The following PARL variants were observed in gnomAD, a reference collection of about 807,000 sequenced individuals.
PARL encodes presenilin associated rhomboid like.
In PARL, 44 loss-of-function variants were observed where a neutral mutation model predicts 51.6. That is an observed-to-expected ratio of 0.85 (90% CI 0.67 to 1.10). The LOEUF (loss-of-function observed/expected upper bound fraction) is 1.10, where lower values mean the gene tolerates loss of function less well. PARL is among the 50% of genes least tolerant of loss of function. PARL has a pLI of 0.00. For synonymous variants in PARL, 172 were observed against 164.0 expected (o/e 1.05, Z -0.37); for missense variants, 441 against 469.5 (o/e 0.94, Z 0.56).
At chr3:183,882,761 C>A (rs1218007979) in intron 1 of PARL, among the ~76,000 whole-genome samples, 2 of 152,000 alleles carry the variant, frequency 1.3e-5, no homozygotes, top group African/African-American at 4.8e-5. Context: ...GCTGGTGGGC[C>A]GCCTTGGGCC....
chr3:183,844,831 T>G (rs564215407), intron 4 of PARL: 1 of 154,334 alleles, frequency 6.5e-6, no homozygotes, highest in Non-Finnish European at 1.4e-5. Context: ...AGTCATGTGA[T>G]AGGAATTCAG....
intron 3 of PARL, among the ~76,000 whole-genome samples, chr3:183,864,903 CTTT>C (rs1209103090): frequency 4.9e-5 from 6 of 121,366 alleles, no homozygotes; most frequent in Non-Finnish European, 8.6e-5. Context: ...CTCCATATTT[CTTT>C]TTTTTTTTTT....
At chr3:183,877,009 C>T (rs1402713172) in intron 1 of PARL, among the ~76,000 whole-genome samples, 2 of 152,134 alleles carry the variant, frequency 1.3e-5, no homozygotes, top group Admixed American at 6.6e-5. Context: ...GTCAGGAGTT[C>T]GAGACCAGCC....
chr3:183,831,126 C>A (rs1461040059), intron 9 of PARL, among the ~76,000 whole-genome samples: 1 of 152,138 alleles, frequency 6.6e-6, no homozygotes, highest in Non-Finnish European at 1.5e-5. Flanking sequence ...CAGGCATGCA[C>A]CACCACGCCC....
At chr3:183,828,834 T>C (rs1577261098), downstream of PARL, among the ~76,000 whole-genome samples, 1 of 152,212 alleles carries the variant, frequency 6.6e-6, no homozygotes, top group East Asian at 1.9e-4. Context: ...AAGAAGAACA[T>C]ACTCTCAAAC....
downstream of PARL, chr3:183,826,689 G>C: frequency 4.1e-6 from 4 of 985,080 alleles, no homozygotes; most frequent in Non-Finnish European, 4.8e-6. Flanking sequence ...GCCAGGCCAT[G>C]TCCCAGCAGG....
intron 4 of PARL, among the ~76,000 whole-genome samples, chr3:183,845,377 G>C (rs1377912357): frequency 6.6e-6 from 1 of 152,070 alleles, no homozygotes; most frequent in African/African-American, 2.4e-5. Context: ...ATTTTTCACA[G>C]ATCTTAAGAC....
At chr3:183,847,423 G>A (rs1730085025) in intron 4 of PARL, among the ~76,000 whole-genome samples, 1 of 152,070 alleles carries the variant, frequency 6.6e-6, no homozygotes, top group Non-Finnish European at 1.5e-5. Flanking sequence ...AAATCAGCTG[G>A]GCATGGTGGC....
chr3:183,874,262 T>C (rs1195785570), intron 1 of PARL, among the ~76,000 whole-genome samples: 1 of 152,050 alleles, frequency 6.6e-6, no homozygotes, highest in Non-Finnish European at 1.5e-5. Context: ...CAACCAGCCA[T>C]TGCCCACCTT....
At chr3:183,868,925 A>AC (rs994558161) in intron 1 of PARL, among the ~76,000 whole-genome samples, 3 of 152,168 alleles carry the variant, frequency 2.0e-5, no homozygotes, top group African/African-American at 7.2e-5. Context: ...GTGAGCTGTT[A>AC]CCCCAACAGT....
chr3:183,876,949 T>C (rs746608873), intron 1 of PARL, among the ~76,000 whole-genome samples: 5 of 152,218 alleles, frequency 3.3e-5, no homozygotes, highest in African/African-American at 9.6e-5. Flanking sequence ...CAGTGGCTCA[T>C]GCCTGTAATC....
chr3:183,826,742 GAC>G (rs1451818722), downstream of PARL: 1 of 985,258 alleles, frequency 1.0e-6, no homozygotes, highest in Non-Finnish European at 1.2e-6. Context: ...CCTGGAAAAT[GAC>G]ACACAGGGGC....
chr3:183,851,719 A>T (rs1730566657), intron 4 of PARL, among the ~76,000 whole-genome samples: 1 of 152,218 alleles, frequency 6.6e-6, no homozygotes, highest in African/African-American at 2.4e-5. Flanking sequence ...CCCAATGTAA[A>T]AATGGGAAAG....
intron 3 of PARL, among the ~76,000 whole-genome samples, chr3:183,865,669 C>T (rs558690195): frequency 2.6e-5 from 4 of 152,118 alleles, no homozygotes; most frequent in South Asian, 2.1e-4. Flanking sequence ...CCTGCAACCC[C>T]GACCTGTGGA....
chr3:183,861,292 A>C, intron 4 of PARL: 1 of 940,706 alleles, frequency 1.1e-6, no homozygotes, highest in Non-Finnish European at 1.3e-6. Context: ...GATTCCATTC[A>C]ACATTCATTC....
intron 1 of PARL, among the ~76,000 whole-genome samples, chr3:183,869,306 C>T (rs79478990): frequency 0.28 from 42,079 of 151,774 alleles, 5,948 homozygotes; most frequent in East Asian, 0.53. Context: ...TCCCCAGATG[C>T]AAGTGATTCT....
At chr3:183,881,401 C>T (rs377390147) in intron 1 of PARL, among the ~76,000 whole-genome samples, 1 of 152,226 alleles carries the variant, frequency 6.6e-6, no homozygotes, top group Admixed American at 6.5e-5. Flanking sequence ...GGATTACAGG[C>T]GTGAGCCACT....
At chr3:183,832,002 C>T (rs962932507) in intron 9 of PARL, among the ~76,000 whole-genome samples, 1 of 152,070 alleles carries the variant, frequency 6.6e-6, no homozygotes, top group South Asian at 2.1e-4. Flanking sequence ...TTGAAGTATA[C>T]ATGGAAGATA....
chr3:183,872,969 T>C (rs1392431387), intron 1 of PARL, among the ~76,000 whole-genome samples: 1 of 152,214 alleles, frequency 6.6e-6, no homozygotes, highest in East Asian at 1.9e-4. Context: ...CTATATTTGA[T>C]AAATAACTCC....
Sources: gnomAD v4.1 joint callset for allele counts (sites outside exome capture counted in the v4.1 genomes callset) on GRCh38, gnomAD v4.1.1 for gene constraint, MANE v1.5 for transcripts, NCBI Gene and HGNC (gene_info 2026-07-23, HGNC 2026-07-21) for gene names.